Variants in LY86 observed in about 807,000 individuals in gnomAD.
The protein encoded by LY86 is MD-1, RP105-associated.
A neutral mutation model predicts 17.3 loss-of-function variants in LY86; 20 were observed. That is an observed-to-expected ratio of 1.15 (90% CI 0.81 to 1.68). LY86 has a LOEUF of 1.68. Ranked by LOEUF, LY86 falls within the 40% of genes most tolerant of loss-of-function variation. The probability of loss-of-function intolerance (pLI) is 0.00; values close to 1 mark genes in which losing one functional copy is unlikely to be tolerated. For synonymous variants in LY86, 74 were observed against 70.6 expected (o/e 1.05, Z -0.24); for missense variants, 200 against 191.9 (o/e 1.04, Z -0.25).
chr6:6,606,463 G>T (rs779900686), intron 1 of LY86, among the ~76,000 whole-genome samples: 1 of 152,192 alleles, frequency 6.6e-6, no homozygotes, highest in Non-Finnish European at 1.5e-5. Context: ...GTCCCACACC[G>T]CGCACCCGCA....
chr6:6,649,947 A>G (rs182881752), intron 4 of LY86, among the ~76,000 whole-genome samples: 1 of 152,316 alleles, frequency 6.6e-6, no homozygotes, highest in East Asian at 1.9e-4. Flanking sequence ...TCCTCCGAGT[A>G]CAAACCTCCC....
At position 6,625,018 on chromosome 6, in the gene LY86, T is replaced by A; in HGVS notation, c.223+6T>A. On this transcript the variant is annotated splice_donor_region_variant and intron_variant, in intron 2 of 4. Coordinates refer to ENST00000230568, the MANE Select transcript of LY86 (RefSeq NM_004271.4). Reference sequence around the variant, plus strand: ...TAGATTTGGAATTATTCTGAGTAAGTAAAAAAAATGATTAGCATGAAATAA... The same window carrying A: ...TAGATTTGGAATTATTCTGAGTAAGAAAAAAAAATGATTAGCATGAAATAA... 1 of 1,319,672 alleles carries A rather than the reference T, an allele frequency of 7.6e-7. No individual in the cohort carries two copies. The highest frequency in any genetic ancestry group is 1.1e-6 in the Non-Finnish European group (1 of 929,602). 81.7% of individuals were successfully genotyped at this position (1,319,672 alleles called of 1,614,324 possible).
At chr6:6,597,327 G>T (rs1356555352) in intron 1 of LY86, among the ~76,000 whole-genome samples, 1 of 152,202 alleles carries the variant, frequency 6.6e-6, no homozygotes, top group East Asian at 1.9e-4. Context: ...AGCTCCAGGT[G>T]GACAGAGGTT....
chr6:6,600,459 T>A (rs1760864790), intron 1 of LY86, among the ~76,000 whole-genome samples: 1 of 151,442 alleles, frequency 6.6e-6, no homozygotes, highest in Admixed American at 6.6e-5. Context: ...GGTGTGGTGG[T>A]GGACGCCTGT....
At chr6:6,640,455 A>G (rs1762023625) in intron 3 of LY86, among the ~76,000 whole-genome samples, 1 of 151,852 alleles carries the variant, frequency 6.6e-6, no homozygotes, top group Non-Finnish European at 1.5e-5. Context: ...TGCAGTGGCT[A>G]TGCCTCTCAT....
chr6:6,636,238 G>T (rs1396291468), intron 3 of LY86, among the ~76,000 whole-genome samples: 1 of 152,194 alleles, frequency 6.6e-6, no homozygotes, highest in Non-Finnish European at 1.5e-5. Context: ...AATCTTTACT[G>T]CCACTTACCA....
At chr6:6,609,672 C>A (rs1365049012) in intron 1 of LY86, among the ~76,000 whole-genome samples, 1 of 151,826 alleles carries the variant, frequency 6.6e-6, no homozygotes, top group African/African-American at 2.4e-5. Context: ...AGGAAAAGTG[C>A]AAATTGATTT....
intron 1 of LY86, among the ~76,000 whole-genome samples, chr6:6,614,081 C>A (rs1390068669): frequency 1.3e-5 from 2 of 152,194 alleles, no homozygotes; most frequent in African/African-American, 4.8e-5. Context: ...GGAACACAGG[C>A]AGCCTTTCCA....
intron 3 of LY86, among the ~76,000 whole-genome samples, chr6:6,648,301 A>G (rs559966411): frequency 6.6e-6 from 1 of 152,270 alleles, no homozygotes; most frequent in South Asian, 2.1e-4. Flanking sequence ...ATGACTTTTA[A>G]CACATTTCCA....
At chr6:6,595,495 T>G (rs1277351821) in intron 1 of LY86, among the ~76,000 whole-genome samples, 3 of 151,806 alleles carry the variant, frequency 2.0e-5, no homozygotes, top group Non-Finnish European at 4.4e-5. Context: ...CATCTCCTGA[T>G]GAAAGAATGG....
intron 3 of LY86, among the ~76,000 whole-genome samples, chr6:6,647,620 G>A (rs2113163373): frequency 6.6e-6 from 1 of 152,180 alleles, no homozygotes; most frequent in Admixed American, 6.5e-5. Flanking sequence ...ATACCCTCCT[G>A]TTTGAAAAAC....
chr6:6,622,831 T>C (rs915437746), intron 1 of LY86: 1 of 152,198 alleles, frequency 6.6e-6, no homozygotes, highest in Non-Finnish European at 1.5e-5. Flanking sequence ...GCACACAAAA[T>C]ATTCTGGGCA....
At chr6:6,625,037 GA>G in intron 2 of LY86, 25 bp downstream of exon 2, 1 of 1,096,156 alleles carries the variant, frequency 9.1e-7, no homozygotes, top group South Asian at 1.4e-5. Context: ...TGATTAGCAT[GA>G]AATAAAACAT....
intron 1 of LY86, among the ~76,000 whole-genome samples, chr6:6,594,291 C>G (rs1327738625): frequency 6.6e-6 from 1 of 152,158 alleles, no homozygotes; most frequent in African/African-American, 2.4e-5. Context: ...TGCATATGGC[C>G]TGTGAGCTAG....
intron 1 of LY86, among the ~76,000 whole-genome samples, chr6:6,612,397 T>C (rs6941042): frequency 0.051 from 7,783 of 152,276 alleles, 280 homozygotes; most frequent in African/African-American, 0.095. Flanking sequence ...TTTCCCCCAG[T>C]GGGTACCTAG....
chr6:6,649,738 T>A, intron 4 of LY86, 61 bp downstream of exon 4: 12 of 834,110 alleles, frequency 1.4e-5, no homozygotes, highest in Non-Finnish European at 1.8e-5. Context: ...AGAAGAAGGC[T>A]AGAAGGAGGG....
chr6:6,602,575 G>A (rs1760943108), intron 1 of LY86, among the ~76,000 whole-genome samples: 1 of 152,182 alleles, frequency 6.6e-6, no homozygotes, highest in Non-Finnish European at 1.5e-5. Context: ...TTTGAGAAAT[G>A]ATCCTGGTAG....
chr6:6,622,609 T>C (rs1381690222), intron 1 of LY86: 1 of 152,224 alleles, frequency 6.6e-6, no homozygotes, highest in Admixed American at 6.5e-5. Flanking sequence ...AAAGGGGTTT[T>C]GATCAAACAA....
At chr6:6,642,605 A>G (rs1473257516) in intron 3 of LY86, among the ~76,000 whole-genome samples, 2 of 152,060 alleles carry the variant, frequency 1.3e-5, no homozygotes, top group Non-Finnish European at 2.9e-5. Flanking sequence ...ATCAGTCCCT[A>G]CTCCAAGGCA....
Sources: gnomAD v4.1 joint callset for allele counts (sites outside exome capture counted in the v4.1 genomes callset) on GRCh38, gnomAD v4.1.1 for gene constraint, MANE v1.5 for transcripts, NCBI Gene and HGNC (gene_info 2026-07-23, HGNC 2026-07-21) for gene names.